Variants in CATSPERT observed in about 807,000 individuals in gnomAD.
The protein encoded by CATSPERT is catsper channel auxiliary subunit tau.
At chr2:201,587,743 T>G in the CATSPERT span, among the ~76,000 whole-genome samples, 2 of 152,056 alleles carry the variant, frequency 1.3e-5, no homozygotes, top group Non-Finnish European at 2.9e-5. Context: ...GGGGAAGACT[T>G]AGGTCATTAG....
At chr2:201,535,790 A>C in the CATSPERT span, 1 of 1,367,076 alleles carries the variant, frequency 7.3e-7, no homozygotes. Flanking sequence ...AAAATAGATT[A>C]TTTTGTCTCC....
At chr2:201,512,809 T>C in the CATSPERT span, among the ~76,000 whole-genome samples, 1 of 152,018 alleles carries the variant, frequency 6.6e-6, no homozygotes, top group Non-Finnish European at 1.5e-5. Flanking sequence ...AAGAGTGCAA[T>C]TGGTGGGTCA....
At chr2:201,570,412 C>T in the CATSPERT span, among the ~76,000 whole-genome samples, 1 of 152,072 alleles carries the variant, frequency 6.6e-6, no homozygotes, top group African/African-American at 2.4e-5. Flanking sequence ...GAAGCATAAA[C>T]CTACAATGAT....
the CATSPERT span, among the ~76,000 whole-genome samples, chr2:201,524,273 C>T: frequency 3.9e-5 from 6 of 152,126 alleles, no homozygotes; most frequent in South Asian, 2.1e-4. Flanking sequence ...ACAAGAGACC[C>T]TTCAGCAGAA....
the CATSPERT span, among the ~76,000 whole-genome samples, chr2:201,551,888 A>G: frequency 6.6e-6 from 1 of 151,572 alleles, no homozygotes; most frequent in Non-Finnish European, 1.5e-5. Flanking sequence ...AGCCTGGCCA[A>G]CAAGAGGGAA....
the CATSPERT span, among the ~76,000 whole-genome samples, chr2:201,495,047 T>C: frequency 1.6e-4 from 25 of 152,286 alleles, no homozygotes; most frequent in African/African-American, 5.5e-4. Context: ...ATAGTTTATT[T>C]TTAACAACGC....
the CATSPERT span, among the ~76,000 whole-genome samples, chr2:201,589,793 C>T: frequency 6.6e-6 from 1 of 151,630 alleles, no homozygotes; most frequent in Admixed American, 6.6e-5. Flanking sequence ...TTCTGCACAG[C>T]AAAATAATCA....
At chr2:201,495,912 A>C in the CATSPERT span, 2 of 1,594,898 alleles carry the variant, frequency 1.3e-6, no homozygotes, top group Non-Finnish European at 1.7e-6. Flanking sequence ...TTTGGTTTGA[A>C]TTCTATATAT....
the CATSPERT span, among the ~76,000 whole-genome samples, chr2:201,600,902 C>A: frequency 2.0e-5 from 3 of 152,046 alleles, no homozygotes; most frequent in Non-Finnish European, 4.4e-5. Flanking sequence ...CTGGTGTGCA[C>A]CACCATGCCT....
chr2:201,609,519 G>C, the CATSPERT span, among the ~76,000 whole-genome samples: 1 of 152,082 alleles, frequency 6.6e-6, no homozygotes, highest in Non-Finnish European at 1.5e-5. Flanking sequence ...AATAAAACTA[G>C]AAATCAGTAA....
the CATSPERT span, among the ~76,000 whole-genome samples, chr2:201,544,821 C>CAAA: frequency 4.2e-4 from 39 of 92,574 alleles, no homozygotes; most frequent in African/African-American, 8.9e-4. Flanking sequence ...CCTGTCTCTA[C>CAAA]AAAAAAAAAA....
chr2:201,544,821 C>T, the CATSPERT span, among the ~76,000 whole-genome samples: 3 of 92,604 alleles, frequency 3.2e-5, no homozygotes, highest in Non-Finnish European at 6.6e-5. Flanking sequence ...CCTGTCTCTA[C>T]AAAAAAAAAA....
the CATSPERT span, among the ~76,000 whole-genome samples, chr2:201,530,076 A>T: frequency 6.6e-6 from 1 of 152,180 alleles, no homozygotes; most frequent in Admixed American, 6.5e-5. Flanking sequence ...GCCTGTTACA[A>T]GGGCTATTAT....
chr2:201,575,189 T>C, the CATSPERT span: 1 of 1,053,958 alleles, frequency 9.5e-7, no homozygotes, highest in South Asian at 2.2e-5. Flanking sequence ...TAAAAACATG[T>C]AGGCTACAAA....
chr2:201,491,073 GGTTA>G, the CATSPERT span: 5 of 1,069,572 alleles, frequency 4.7e-6, no homozygotes, highest in African/African-American at 1.6e-5. Context: ...GGGTAATTAA[GGTTA>G]TACACACAGT....
the CATSPERT span, among the ~76,000 whole-genome samples, chr2:201,507,253 C>G: frequency 6.6e-6 from 1 of 152,078 alleles, no homozygotes; most frequent in Non-Finnish European, 1.5e-5. Context: ...AAAATATAAT[C>G]TTAAAAAGAT....
At chr2:201,494,568 C>G in the CATSPERT span, 1 of 1,536,854 alleles carries the variant, frequency 6.5e-7, no homozygotes, top group Non-Finnish European at 8.7e-7. Flanking sequence ...GGTCATGGGC[C>G]CAGGTTGTAT....
At chr2:201,566,021 G>T in the CATSPERT span, 1 of 601,592 alleles carries the variant, frequency 1.7e-6, no homozygotes, top group Non-Finnish European at 2.6e-6. Context: ...TAGGAAAAAA[G>T]CCAAGAGCCA....
chr2:201,488,019 T>C, the CATSPERT span: 34 of 779,012 alleles, frequency 4.4e-5, no homozygotes, highest in African/African-American at 4.8e-4. Context: ...AAACAAGGAC[T>C]AAAGTTTATA....
Sources: gnomAD v4.1 joint callset for allele counts (sites outside exome capture counted in the v4.1 genomes callset) on GRCh38, gnomAD v4.1.1 for gene constraint, MANE v1.5 for transcripts, NCBI Gene and HGNC (gene_info 2026-07-23, HGNC 2026-07-21) for gene names.